Variants in TRIO observed in about 807,000 individuals in gnomAD.
TRIO encodes trio Rho guanine nucleotide exchange factor.
A neutral mutation model predicts 351.9 loss-of-function variants in TRIO; 58 were observed. That is an observed-to-expected ratio of 0.16 (90% CI 0.13 to 0.21). The LOEUF is 0.21. TRIO is among the 10% of genes least tolerant of loss of function. The pLI is 1.00. For missense variants in TRIO, 3,201 were observed against 4,027.8 expected (o/e 0.79, Z 5.56); for synonymous variants, 1,758 against 1,595.7 (o/e 1.10, Z -2.42).
chr5:14,301,847 T>G (rs1422747983), intron 7 of TRIO, among the ~76,000 whole-genome samples: 1 of 152,164 alleles, frequency 6.6e-6, no homozygotes, highest in Non-Finnish European at 1.5e-5. Context: ...CAATCAGGCC[T>G]AGAGCTTGGT....
intron 9 of TRIO, among the ~76,000 whole-genome samples, chr5:14,322,082 T>C (rs1037167299): frequency 1.3e-5 from 2 of 152,054 alleles, no homozygotes; most frequent in Non-Finnish European, 2.9e-5. Context: ...GAGTAAGTCT[T>C]GGAGAGTAAG....
At chr5:14,170,897 T>TA (rs1428192522) in intron 1 of TRIO, among the ~76,000 whole-genome samples, 1 of 152,218 alleles carries the variant, frequency 6.6e-6, no homozygotes, top group Middle Eastern at 3.2e-3. Flanking sequence ...AATACTAGAA[T>TA]AAAATATAAG....
At chr5:14,335,007 T>G (rs1220218541) in intron 10 of TRIO, among the ~76,000 whole-genome samples, 1 of 148,744 alleles carries the variant, frequency 6.7e-6, no homozygotes, top group Non-Finnish European at 1.5e-5. Flanking sequence ...TGAAAGCTGC[T>G]TTTTAGATCT....
rs1242183653 is a variant in TRIO, at chr5:14,461,081, C to T, written c.5266C>T (p.His1756Tyr). The stretch of plus-strand genomic sequence containing the variant: ...CGCATCCGTGGCTTCCCTCCAGCCC[C>T]ACATGATCGGGGCCCAGAGCTCGCC... ...PPASVASLQPHMIGAQSSPGP... is the reference protein window; with the variant it reads ...PPASVASLQPYMIGAQSSPGP... Residue 1756 changes from histidine (H) to tyrosine (Y), a missense_variant, in exon 35 of 57, where the codon CAC (histidine) becomes TAC (tyrosine). By Grantham distance (83) the His-to-Tyr change is moderately conservative. Around this residue, in one of 19 missense-constraint regions of TRIO, gnomAD observed 193 missense variants for 218.8 expected, o/e 0.88. Coordinates refer to ENST00000344204, the MANE Select transcript of TRIO (RefSeq NM_007118.4). 2.5e-6 allele frequency: 4 copies of T among 1,576,602 alleles called. No individual in the cohort carries two copies. The highest frequency in any genetic ancestry group is 3.6e-5 in the Admixed American group (2 of 55,758).
intron 1 of TRIO, among the ~76,000 whole-genome samples, chr5:14,269,990 A>T (rs1290932741): frequency 6.6e-6 from 1 of 152,202 alleles, no homozygotes; most frequent in Non-Finnish European, 1.5e-5. Context: ...AGAAATATCC[A>T]GTTATTATGA....
intron 1 of TRIO, among the ~76,000 whole-genome samples, chr5:14,261,682 G>A (rs1397194161): frequency 6.6e-6 from 1 of 152,180 alleles, no homozygotes; most frequent in Non-Finnish European, 1.5e-5. Flanking sequence ...CTTCCCTGAA[G>A]GCTTGCGTTT....
At chr5:14,424,444 C>T (rs1750469467) in intron 34 of TRIO, among the ~76,000 whole-genome samples, 2 of 151,924 alleles carry the variant, frequency 1.3e-5, no homozygotes, top group Admixed American at 6.6e-5. Flanking sequence ...CATTTTATTT[C>T]GAAGAAGTTC....
intron 34 of TRIO, among the ~76,000 whole-genome samples, chr5:14,445,583 T>A (rs955549411): frequency 2.6e-5 from 4 of 152,244 alleles, no homozygotes; most frequent in African/African-American, 7.2e-5. Context: ...TATTGCTACT[T>A]CTTGTTAAAA....
At chr5:14,316,817 G>GACTCTACC in intron 9 of TRIO, 74 bp downstream of exon 9, 1 of 1,443,638 alleles carries the variant, frequency 6.9e-7, no homozygotes, top group Non-Finnish European at 9.5e-7. Flanking sequence ...TCATCATATT[G>GACTCTACC]GGAAGATCTG....
chr5:14,252,598 G>T (rs1794807878), intron 1 of TRIO, among the ~76,000 whole-genome samples: 1 of 152,184 alleles, frequency 6.6e-6, no homozygotes, highest in Non-Finnish European at 1.5e-5. Flanking sequence ...TTGCAGGAGA[G>T]CCCAGGAAAC....
At chr5:14,387,969 G>C in intron 23 of TRIO, 122 bp downstream of exon 23, 1 of 1,006,548 alleles carries the variant, frequency 9.9e-7, no homozygotes, top group Non-Finnish European at 1.5e-6. Flanking sequence ...TGTTGCTCTG[G>C]GTGGACTTAG....
intron 9 of TRIO, among the ~76,000 whole-genome samples, chr5:14,324,722 G>A (rs1189589206): frequency 6.6e-6 from 1 of 152,126 alleles, no homozygotes; most frequent in Non-Finnish European, 1.5e-5. Flanking sequence ...ATTAAAGTCT[G>A]CTCTCTTTTT....
At chr5:14,197,317 T>G (rs1398192470) in intron 1 of TRIO, among the ~76,000 whole-genome samples, 2 of 152,100 alleles carry the variant, frequency 1.3e-5, no homozygotes, top group African/African-American at 2.4e-5. Context: ...CTGTCTGTCT[T>G]ATCCCCAGCT....
chr5:14,203,659 G>A (rs570907169), intron 1 of TRIO, among the ~76,000 whole-genome samples: 2 of 152,212 alleles, frequency 1.3e-5, no homozygotes, highest in Non-Finnish European at 2.9e-5. Context: ...GTGGCGTTCA[G>A]TGCCCTCAAG....
In TRIO at chr5:14,462,743, A is replaced by G; in HGVS notation, c.5497-12A>G. 6.2e-7 allele frequency: 1 copy of G among 1,613,840 alleles called. No individual in the cohort carries two copies. The highest frequency in any genetic ancestry group is 8.5e-7 in the Non-Finnish European group (1 of 1,179,844). On this transcript the variant is annotated splice_polypyrimidine_tract_variant and intron_variant, in intron 35 of 56. Transcript: ENST00000344204. ...CCTGGAATATAATGAGCAAATCTTG[A>G]CTGGATTTCAGAGAGGCCGGAACGA...
At chr5:14,448,432 C>T (rs7721717) in intron 34 of TRIO, among the ~76,000 whole-genome samples, 3,811 of 152,330 alleles carry the variant, frequency 0.025, 165 homozygotes, top group African/African-American at 0.087. Flanking sequence ...CAGGCCTAGA[C>T]GTGGCCTTAT....
chr5:14,492,925 T>A, intron 49 of TRIO, 111 bp downstream of exon 49: 1 of 1,484,360 alleles, frequency 6.7e-7, no homozygotes. Flanking sequence ...AGATCTGCGC[T>A]GGTATGTTAG....
chr5:14,172,103 A>T (rs1789133653), intron 1 of TRIO, among the ~76,000 whole-genome samples: 1 of 152,122 alleles, frequency 6.6e-6, no homozygotes. Context: ...TCTATCTTTT[A>T]TATTCATTAG....
intron 53 of TRIO, 87 bp downstream of exon 53, chr5:14,498,727 T>A: frequency 6.4e-7 from 1 of 1,559,282 alleles, no homozygotes; most frequent in Admixed American, 1.8e-5. Flanking sequence ...GCCCTTACAC[T>A]CCAAGTGGCC....
Sources: allele counts gnomAD v4.1 joint callset (sites outside exome capture counted in the v4.1 genomes callset), GRCh38; gene constraint gnomAD v4.1.1; regional missense constraint gnomAD v4.1.1; transcripts MANE v1.5; gene names NCBI Gene and HGNC (gene_info 2026-07-23, HGNC 2026-07-21).